Variants in CDKAL1 observed in about 807,000 individuals in gnomAD.
The protein encoded by CDKAL1 is CDKAL1 threonylcarbamoyladenosine tRNA methylthiotransferase.
CDKAL1 carries 32 observed loss-of-function variants against 68.2 expected under a neutral mutation model. The observed-to-expected ratio is 0.47, with a 90% CI of 0.35 to 0.63. The LOEUF (loss-of-function observed/expected upper bound fraction) is 0.63, where lower values mean the gene tolerates loss of function less well. CDKAL1 is among the 30% of genes least tolerant of loss of function. CDKAL1 has a pLI of 0.00. For synonymous variants in CDKAL1, 234 were observed against 244.3 expected, an observed-to-expected ratio of 0.96 and a Z score of 0.39; for missense variants, 606 against 696.7, an observed-to-expected ratio of 0.87 and a Z score of 1.47.
At chr6:20,881,826 A>G (rs1431223380) in intron 9 of CDKAL1, among the ~76,000 whole-genome samples, 1 of 152,106 alleles carries the variant, frequency 6.6e-6, no homozygotes, top group Non-Finnish European at 1.5e-5. Flanking sequence ...ATTTTTATTC[A>G]TATACTTTAA....
chr6:20,794,106 G>A (rs1450216103), intron 8 of CDKAL1, among the ~76,000 whole-genome samples: 1 of 151,554 alleles, frequency 6.6e-6, no homozygotes, highest in Non-Finnish European at 1.5e-5. Context: ...CCCTTATCTT[G>A]TAGTTTTTTA....
intron 15 of CDKAL1, among the ~76,000 whole-genome samples, chr6:21,230,335 T>C (rs1779911352): frequency 6.6e-6 from 1 of 152,216 alleles, no homozygotes; most frequent in Non-Finnish European, 1.5e-5. Context: ...CTAATTTTTA[T>C]ATTTTTAGTG....
chr6:21,068,330 T>C (rs1771571590), intron 12 of CDKAL1, among the ~76,000 whole-genome samples: 1 of 152,178 alleles, frequency 6.6e-6, no homozygotes, highest in Admixed American at 6.5e-5. Context: ...TCTAGAAATT[T>C]TATCATTTTG....
chr6:20,571,009 A>G (rs1043534426), intron 4 of CDKAL1, among the ~76,000 whole-genome samples: 2 of 152,060 alleles, frequency 1.3e-5, no homozygotes, highest in African/African-American at 4.8e-5. Flanking sequence ...TGCTGTGGGG[A>G]TTTTCAGAAA....
chr6:21,196,213 A>T (rs1039293021), intron 13 of CDKAL1, among the ~76,000 whole-genome samples: 1 of 152,222 alleles, frequency 6.6e-6, no homozygotes, highest in Non-Finnish European at 1.5e-5. Flanking sequence ...ACTTGATGTT[A>T]AATGAAGTGT....
chr6:20,942,898 T>C (rs150406107), intron 9 of CDKAL1, among the ~76,000 whole-genome samples: 24 of 143,164 alleles, frequency 1.7e-4, no homozygotes, highest in East Asian at 8.2e-4. Context: ...GAGGTTGCAA[T>C]GAGTGGAGAT....
At chr6:20,927,656 G>A (rs1274895427) in intron 9 of CDKAL1, among the ~76,000 whole-genome samples, 1 of 152,102 alleles carries the variant, frequency 6.6e-6, no homozygotes, top group Admixed American at 6.6e-5. Flanking sequence ...GGGGAATTAT[G>A]TCCTAGGAAA....
chr6:20,812,598 C>CTACTTCTATAGTAAAACTCT (rs2150425028), intron 8 of CDKAL1, among the ~76,000 whole-genome samples: 1 of 152,312 alleles, frequency 6.6e-6, no homozygotes, highest in Non-Finnish European at 1.5e-5. Flanking sequence ...GATTAGCTTG[C>CTACTTCTATAGTAAAACTCT]AGTTTCTAGA....
At chr6:20,907,682 G>A (rs892082524) in intron 9 of CDKAL1, among the ~76,000 whole-genome samples, 2 of 152,266 alleles carry the variant, frequency 1.3e-5, no homozygotes, top group African/African-American at 2.4e-5. Context: ...CGTGTGTGAG[G>A]AGCTGAGTGG....
intron 9 of CDKAL1, among the ~76,000 whole-genome samples, chr6:20,922,106 A>T (rs1434274120): frequency 6.6e-6 from 1 of 152,204 alleles, no homozygotes; most frequent in African/African-American, 2.4e-5. Context: ...TGATAAAGGC[A>T]TACATTCTGA....
Position 20,955,528 on chromosome 6 carries a change from G to A in CDKAL1, c.852G>A (p.Glu284=). 6.2e-7 allele frequency: 1 copy of A among 1,614,134 alleles called. No homozygotes were observed. The highest frequency in any genetic ancestry group is 8.5e-7 in the Non-Finnish European group (1 of 1,180,004). Residue 284 remains glutamate, a synonymous_variant, in exon 10 of 16, where the codon GAG becomes GAA. Transcript: ENST00000274695. ...GGAAACTGGTTGAAGTGATTCCTGA[G>A]GGAGCAATGCTGAGGCTTGGCATGA... is the stretch of plus-strand genomic sequence containing the variant. ...LLWKLVEVIP[E]GAMLRLGMTN...
intron 8 of CDKAL1, among the ~76,000 whole-genome samples, chr6:20,827,399 C>G (rs1432565483): frequency 6.6e-6 from 1 of 152,094 alleles, no homozygotes; most frequent in Non-Finnish European, 1.5e-5. Flanking sequence ...CATTGTTTAT[C>G]TTTGTGATGG....
At chr6:21,043,820 G>A (rs1160869948) in intron 11 of CDKAL1, among the ~76,000 whole-genome samples, 2 of 152,198 alleles carry the variant, frequency 1.3e-5, no homozygotes. Flanking sequence ...TGTACAGGAA[G>A]CGTATTGTCA....
At chr6:20,891,983 T>C (rs1487042536) in intron 9 of CDKAL1, among the ~76,000 whole-genome samples, 2 of 152,242 alleles carry the variant, frequency 1.3e-5, no homozygotes, top group East Asian at 3.8e-4. Context: ...TGCTGTTTTT[T>C]CATGTCTTGC....
chr6:21,231,030 C>A lies in CDKAL1; in HGVS notation c.1731C>A (p.Val577=). 6.3e-7 allele frequency: 1 copy of A among 1,598,912 alleles called. No homozygotes were observed. Among genetic ancestry groups the A allele is most frequent in the Non-Finnish European group, 8.5e-7 (1 of 1,169,906 alleles). The part of the protein sequence containing the change: ...LGLLFAFFVK[V]YN ...TTCTTTTTGCTTTTTTTGTCAAGGT[C>A]TATAATTAGAATACAACTAATGGAA... The change falls in exon 16 of 16, where the codon GTC becomes GTA. Residue 577 remains valine (V), a synonymous_variant. Transcript: ENST00000274695.
At chr6:20,585,484 C>G (rs563195839) in intron 4 of CDKAL1, among the ~76,000 whole-genome samples, 5 of 152,192 alleles carry the variant, frequency 3.3e-5, no homozygotes, top group African/African-American at 1.2e-4. Flanking sequence ...GCTTCTCTTT[C>G]TGTTTCTAGT....
At chr6:21,184,346 C>T (rs1354121382) in intron 13 of CDKAL1, among the ~76,000 whole-genome samples, 1 of 152,054 alleles carries the variant, frequency 6.6e-6, no homozygotes, top group Non-Finnish European at 1.5e-5. Context: ...AGACACCCAC[C>T]ACCATGCCCG....
At chr6:20,738,487 T>TTG (rs1554113134) in intron 5 of CDKAL1, among the ~76,000 whole-genome samples, 2 of 134,590 alleles carry the variant, frequency 1.5e-5, no homozygotes, top group Admixed American at 1.4e-4. Flanking sequence ...ACTTCTTAGT[T>TTG]TTTTTTTTTT....
intron 4 of CDKAL1, among the ~76,000 whole-genome samples, chr6:20,591,894 C>A (rs973091207): frequency 6.6e-6 from 1 of 152,056 alleles, no homozygotes; most frequent in Non-Finnish European, 1.5e-5. Context: ...GTAGTTTTTT[C>A]TAATTGTGTG....
Sources: gnomAD v4.1 joint callset for allele counts (sites outside exome capture counted in the v4.1 genomes callset) on GRCh38, gnomAD v4.1.1 for gene constraint, MANE v1.5 for transcripts, NCBI Gene and HGNC (gene_info 2026-07-23, HGNC 2026-07-21) for gene names.